The following FMN1 variants were observed in gnomAD, a reference collection of about 807,000 sequenced individuals.
FMN1 encodes the protein formin-1.
Under a neutral mutation model 132.4 loss-of-function variants are expected in FMN1, and 110 were observed. The observed-to-expected ratio is 0.83, with a 90% confidence interval of 0.71 to 0.97. The LOEUF (loss-of-function observed/expected upper bound fraction) is 0.97. Ranked by LOEUF, FMN1 falls within the 50% of genes least tolerant of loss-of-function variation. The pLI is 0.00. For missense variants in FMN1, 1,792 were observed against 1,705.3 expected, an observed-to-expected ratio of 1.05 and a Z score of -0.90; for synonymous variants, 722 against 651.7, an observed-to-expected ratio of 1.11 and a Z score of -1.64.
intron 17 of FMN1, among the ~76,000 whole-genome samples, chr15:32,829,120 G>C (rs1385995158): frequency 1.3e-5 from 2 of 152,170 alleles, no homozygotes; most frequent in Non-Finnish European, 2.9e-5. Context: ...AAACTGGATA[G>C]CAAAACTCCA....
chr15:33,112,074 T>C (rs1223856965), intron 4 of FMN1, among the ~76,000 whole-genome samples: 1 of 152,178 alleles, frequency 6.6e-6, no homozygotes, highest in African/African-American at 2.4e-5. Context: ...CTTTTTACAA[T>C]TTCATGTCTA....
chr15:33,101,565 T>C (rs1215769798), intron 4 of FMN1, among the ~76,000 whole-genome samples: 1 of 152,162 alleles, frequency 6.6e-6, no homozygotes, highest in Non-Finnish European at 1.5e-5. Context: ...CTTGCTGTAA[T>C]TCTTCATGGT....
At chr15:32,836,358 CT>C (rs373936008) in intron 17 of FMN1, among the ~76,000 whole-genome samples, 225 of 152,240 alleles carry the variant, frequency 1.5e-3, no homozygotes, top group African/African-American at 5.2e-3. Flanking sequence ...CTTTTAAAAG[CT>C]TTTGGTATCA....
intron 14 of FMN1, among the ~76,000 whole-genome samples, chr15:32,899,400 G>A (rs1468038197): frequency 1.3e-5 from 2 of 152,170 alleles, no homozygotes; most frequent in Non-Finnish European, 2.9e-5. Flanking sequence ...CTGCTCACTG[G>A]GGCCTAATTC....
chr15:33,119,228 G>C (rs1962320654), intron 4 of FMN1, among the ~76,000 whole-genome samples: 1 of 152,164 alleles, frequency 6.6e-6, no homozygotes, highest in South Asian at 2.1e-4. Flanking sequence ...CCAGAGAACA[G>C]GCTTCTGTTT....
At chr15:33,110,340 T>A (rs2039652896) in intron 4 of FMN1, among the ~76,000 whole-genome samples, 1 of 152,064 alleles carries the variant, frequency 6.6e-6, no homozygotes, top group Admixed American at 6.6e-5. Flanking sequence ...GAAATGCTTA[T>A]AACATGTGGA....
chr15:32,890,079 G>A (rs201185665), intron 15 of FMN1, among the ~76,000 whole-genome samples: 133 of 152,194 alleles, frequency 8.7e-4, no homozygotes, highest in African/African-American at 2.8e-3. Context: ...AATCTCATCC[G>A]GGTCGCCGAA....
At chr15:32,909,176 G>A (rs2060499175) in intron 11 of FMN1, among the ~76,000 whole-genome samples, 1 of 152,164 alleles carries the variant, frequency 6.6e-6, no homozygotes, top group South Asian at 2.1e-4. Context: ...TGAGCTCATG[G>A]TAACAACACA....
At chr15:33,097,303 TAA>T (rs35888764) in intron 4 of FMN1, among the ~76,000 whole-genome samples, 51 of 127,168 alleles carry the variant, frequency 4.0e-4, no homozygotes, top group Admixed American at 1.0e-3. Flanking sequence ...GACCCTGTCT[TAA>T]AAAAAAAAAA....
intron 7 of FMN1, among the ~76,000 whole-genome samples, chr15:32,996,026 T>C (rs576076251): frequency 6.6e-6 from 1 of 152,324 alleles, no homozygotes; most frequent in African/African-American, 2.4e-5. Context: ...CATCCAAAAA[T>C]ACACTTTGAC....
At chr15:33,018,487 G>T (rs1191267705) in intron 6 of FMN1, among the ~76,000 whole-genome samples, 1 of 152,094 alleles carries the variant, frequency 6.6e-6, no homozygotes, top group Admixed American at 6.5e-5. Flanking sequence ...GAGCTTCCGT[G>T]AGAACCCAAG....
At chr15:32,777,466 C>T (rs377693757) in intron 19 of FMN1, among the ~76,000 whole-genome samples, 3 of 5,222 alleles carry the variant, frequency 5.7e-4, no homozygotes, top group South Asian at 0.2. Flanking sequence ...TTATATATTA[C>T]GTATATTTAT....
intron 17 of FMN1, among the ~76,000 whole-genome samples, chr15:32,841,257 G>A (rs1176473605): frequency 6.6e-6 from 1 of 152,142 alleles, no homozygotes; most frequent in African/African-American, 2.4e-5. Context: ...AAAACACACA[G>A]TGTTTTAATC....
chr15:33,109,780 CA>C (rs2039627240), intron 4 of FMN1, among the ~76,000 whole-genome samples: 1 of 151,356 alleles, frequency 6.6e-6, no homozygotes, highest in South Asian at 2.1e-4. Context: ...AACAACCCCC[CA>C]TGACACGTTT....
chr15:33,086,056 CCTGG>C (rs2038679213), intron 5 of FMN1, among the ~76,000 whole-genome samples: 2 of 151,982 alleles, frequency 1.3e-5, no homozygotes, highest in African/African-American at 4.8e-5. Flanking sequence ...TCCAGACCAT[CCTGG>C]CTAACACAGT....
intron 17 of FMN1, among the ~76,000 whole-genome samples, chr15:32,852,300 AT>A (rs1476190324): frequency 6.6e-6 from 1 of 152,174 alleles, no homozygotes; most frequent in Non-Finnish European, 1.5e-5. Flanking sequence ...TGTACATCCA[AT>A]TTATTAACCT....
At chr15:33,072,862 G>C (rs186846859) in intron 5 of FMN1, among the ~76,000 whole-genome samples, 92 of 150,834 alleles carry the variant, frequency 6.1e-4, no homozygotes, top group Non-Finnish European at 1.1e-3. Flanking sequence ...GGTGGAGGCT[G>C]CAGTGAGCCG....
rs151081732 is a variant in FMN1 at position 33,042,579 on chromosome 15, G to A, written c.2161+22378C>T. Among the ~76,000 whole-genome samples the A allele has an allele frequency of 4.6e-5, 7 of 152,316 alleles. No individual in the cohort carries two copies. In the South Asian group the frequency reaches 6.2e-4, roughly 14 times the overall value. ...AAAAATGATAAAAGGTCTATACACAGATCAGCATATAAAAGTGATTTATAA... is the reference window on the plus strand; with the variant it reads ...AAAAATGATAAAAGGTCTATACACAAATCAGCATATAAAAGTGATTTATAA... On this transcript the variant is annotated intron_variant, in intron 6 of 20. Coordinates refer to ENST00000616417, the MANE Select transcript of FMN1 (RefSeq NM_001277313.2).
At chr15:32,895,853 A>G (rs1469131945) in intron 15 of FMN1, among the ~76,000 whole-genome samples, 2 of 152,128 alleles carry the variant, frequency 1.3e-5, no homozygotes, top group Non-Finnish European at 2.9e-5. Context: ...CAGTATTTTA[A>G]AATTTTAATT....
Sources: gnomAD v4.1 joint callset for allele counts (sites outside exome capture counted in the v4.1 genomes callset) on GRCh38, gnomAD v4.1.1 for gene constraint, MANE v1.5 for transcripts, NCBI Gene and HGNC (gene_info 2026-07-23, HGNC 2026-07-21) for gene names.